The following NCBP1 variants were observed in gnomAD, a reference collection of about 807,000 sequenced individuals.
NCBP1 encodes the protein nuclear cap-binding protein subunit 1.
In NCBP1, 16 loss-of-function variants were observed where a neutral mutation model predicts 111.7. That is an observed-to-expected ratio of 0.14 (90% CI 0.10 to 0.22). The LOEUF is 0.22. Ranked by LOEUF, NCBP1 falls within the 10% of genes least tolerant of loss-of-function variation. The pLI is 1.00. For synonymous variants in NCBP1, 304 were observed against 314.3 expected, an observed-to-expected ratio of 0.97 and a Z score of 0.35; for missense variants, 607 against 957.5, an observed-to-expected ratio of 0.63 and a Z score of 4.83.
Position 97,664,404 on chromosome 9 carries a change from A to G in NCBP1, c.1862A>G (p.Asn621Ser), listed in dbSNP as rs760392584. ...ATAGTTGATTGTGCTGCCGTAGCAA[A>G]TTGGATCTTCTCTTCAGAACTATCT... is the stretch of plus-strand genomic sequence containing the variant. ...TQIVDCAAVA[N>S]WIFSSELSRD... is the part of the protein sequence containing the mutation. Residue 621 changes from asparagine to serine, a missense_variant, in exon 19 of 23, where the codon AAT (asparagine) becomes AGT (serine). Coordinates refer to ENST00000375147, the MANE Select transcript of NCBP1 (RefSeq NM_002486.5). 1.2e-6 allele frequency: 2 copies of G among 1,612,804 alleles called. No individual in the cohort carries two copies. Among genetic ancestry groups the G allele is most frequent in the Admixed American group, 3.3e-5 (2 of 59,992 alleles).
At chr9:97,646,557 C>T (rs757165017) in intron 6 of NCBP1, among the ~76,000 whole-genome samples, 4 of 151,912 alleles carry the variant, frequency 2.6e-5, no homozygotes, top group East Asian at 1.9e-4. Context: ...ATCTTTTGGC[C>T]GGGCGCAGTG....
At chr9:97,641,516 A>G (rs373190665) in intron 2 of NCBP1, 46 bp from the exon 3 acceptor site, 62 of 1,372,518 alleles carry the variant, frequency 4.5e-5, no homozygotes, top group Non-Finnish European at 5.9e-5. Flanking sequence ...AAATAAATTT[A>G]TGTTGCTGAG....
Position 97,655,753 on chromosome 9 carries a change from C to G in NCBP1, c.1287C>G (p.Ser429Arg). Residue 429 changes from serine (S) to arginine (R), a missense_variant, in exon 13 of 23, where the codon AGC (serine) becomes AGG (arginine). Transcript: ENST00000375147. ...TAAGTAACTTCCAGTTCCGTTGGAG[C>G]TGGGAAGATTGGTAAGTGATGGTTT... ...HHLSNFQFRW[S>R]WEDWSDCLSQ... 6.2e-7 allele frequency: 1 copy of G among 1,612,166 alleles called. No individual in the cohort carries two copies. Among genetic ancestry groups the G allele is most frequent in the Non-Finnish European group, 8.5e-7 (1 of 1,179,314 alleles).
Position 97,633,827 on chromosome 9 carries a change from T to A in NCBP1, c.-55T>A. ...CTTGCGTCGGCCAGCGGCCAGACAG[T>A]TCCTGCAGCGCTTACCGCCTGGCCT... On this transcript the variant is annotated 5_prime_UTR_variant, in exon 1 of 23. Transcript: ENST00000375147. The A allele has an allele frequency of 6.5e-7, 1 of 1,548,666 alleles. No individual in the cohort carries two copies. The highest frequency in any genetic ancestry group is 8.7e-7 in the Non-Finnish European group (1 of 1,153,284).
At chr9:97,653,649 G>C in intron 10 of NCBP1, 149 bp from the exon 11 acceptor site, 1 of 550,276 alleles carries the variant, frequency 1.8e-6, no homozygotes, top group South Asian at 2.6e-5. Flanking sequence ...TTTTGTGTTT[G>C]AAAGAGCATA....
At chr9:97,646,247 T>TGGC (rs1827331694) in intron 6 of NCBP1, among the ~76,000 whole-genome samples, 23 of 152,220 alleles carry the variant, frequency 1.5e-4, no homozygotes, top group Admixed American at 1.5e-3. Context: ...CCAGTACTTC[T>TGGC]TAAGTAATAT....
chr9:97,668,471 AG>A (rs927033507), intron 20 of NCBP1, among the ~76,000 whole-genome samples: 6 of 152,224 alleles, frequency 3.9e-5, no homozygotes, highest in African/African-American at 1.4e-4. Context: ...CTTGGCCCAT[AG>A]GACTTGCCCA....
chr9:97,640,173 G>T (rs368326155), intron 1 of NCBP1, among the ~76,000 whole-genome samples: 1 of 152,106 alleles, frequency 6.6e-6, no homozygotes, highest in African/African-American at 2.4e-5. Context: ...ATTGTTAATT[G>T]AAGACTTGAG....
chr9:97,662,348 G>GT (rs1174810285), intron 17 of NCBP1, among the ~76,000 whole-genome samples: 4 of 152,214 alleles, frequency 2.6e-5, no homozygotes, highest in Admixed American at 2.6e-4. Flanking sequence ...TATGTACATG[G>GT]TAAGTGCTTT....
intron 22 of NCBP1, chr9:97,669,912 C>T (rs369382562): frequency 1.1e-5 from 7 of 623,784 alleles, no homozygotes; most frequent in African/African-American, 1.8e-5. Flanking sequence ...TGCCACCCCC[C>T]CAACAACCCC....
chr9:97,648,333 T>G (rs1827403914), intron 8 of NCBP1, 110 bp downstream of exon 8: 1 of 925,118 alleles, frequency 1.1e-6, no homozygotes, highest in African/African-American at 1.7e-5. Context: ...GTTGTTTTTA[T>G]CTAAGAAGGT....
chr9:97,671,477 A>C lies in NCBP1; in HGVS notation c.*278A>C. The C allele has an allele frequency of 6.2e-6, 2 of 322,110 alleles. No individual in the cohort carries two copies. Among genetic ancestry groups the C allele is most frequent in the Non-Finnish European group, 1.2e-5 (2 of 173,454 alleles). The allele number at this position is 322,110 out of a possible 1,614,324, so 20.0% of individuals were successfully genotyped here. The stretch of plus-strand genomic sequence containing the variant: ...TTGTTATTTTTTTTCTCCTTAAGGC[A>C]CAAAATAATTGGTTTGAGGTATGTG... On this transcript the variant is annotated 3_prime_UTR_variant, in exon 23 of 23. Coordinates refer to ENST00000375147, the MANE Select transcript of NCBP1 (RefSeq NM_002486.5).
intron 1 of NCBP1, among the ~76,000 whole-genome samples, chr9:97,636,603 T>C (rs1372501256): frequency 7.0e-6 from 1 of 142,418 alleles, no homozygotes; most frequent in Non-Finnish European, 1.5e-5. Flanking sequence ...AATTATATAC[T>C]GTATATATAG....
chr9:97,647,802 T>G (rs1257641846), intron 7 of NCBP1, among the ~76,000 whole-genome samples: 1 of 152,254 alleles, frequency 6.6e-6, no homozygotes, highest in African/African-American at 2.4e-5. Context: ...TTTATTTAAA[T>G]GCTTAATTTG....
intron 19 of NCBP1, among the ~76,000 whole-genome samples, chr9:97,666,519 G>C (rs1828006357): frequency 6.6e-6 from 1 of 152,166 alleles, no homozygotes; most frequent in Non-Finnish European, 1.5e-5. Context: ...ATGGAAATAA[G>C]AAAAATGACT....
At chr9:97,668,588 G>A (rs1009095533) in intron 20 of NCBP1, among the ~76,000 whole-genome samples, 1 of 152,068 alleles carries the variant, frequency 6.6e-6, no homozygotes, top group African/African-American at 2.4e-5. Context: ...GTCCCCCCAT[G>A]TTGTTACCAA....
intron 2 of NCBP1, 109 bp downstream of exon 2, chr9:97,640,991 A>G (rs1827190919): frequency 1.4e-6 from 1 of 721,840 alleles, no homozygotes; most frequent in Non-Finnish European, 2.3e-6. Flanking sequence ...CAAAGCTGGT[A>G]TTACCATGCA....
At chr9:97,661,141 A>G in intron 16 of NCBP1, 73 bp downstream of exon 16, 11 of 1,572,564 alleles carry the variant, frequency 7.0e-6, no homozygotes, top group Non-Finnish European at 9.5e-6. Context: ...AACTCTGGCA[A>G]CATGATGCTC....
Position 97,650,605 on chromosome 9 carries a change from GATTCTTTTCATGGT to G in NCBP1, c.995+7_995+20del. 1.2e-6 allele frequency: 2 copies of G among 1,608,590 alleles called. No homozygotes were observed. Among genetic ancestry groups the G allele is most frequent in the African/African-American group, 2.7e-5 (2 of 74,870 alleles). On this transcript the variant is annotated splice_donor_region_variant and intron_variant, in intron 9 of 22. Transcript: ENST00000375147. ...CTGGAAGGAAAGGAAGACTTGGTAA[GATTCTTTTCATGGT>G]ACTTTTAGAAGGGAGAGAAGCAGCA...
Sources: gnomAD v4.1 joint callset for allele counts (sites outside exome capture counted in the v4.1 genomes callset) on GRCh38, gnomAD v4.1.1 for gene constraint, MANE v1.5 for transcripts, NCBI Gene and HGNC (gene_info 2026-07-23, HGNC 2026-07-21) for gene names.